The following TAF12 variants were observed in gnomAD, a reference collection of about 807,000 sequenced individuals.
The protein encoded by TAF12 is transcription initiation factor TFIID subunit 12.
TAF12 carries 3 observed loss-of-function variants against 20.8 expected under a neutral mutation model. The ratio of observed to expected loss-of-function variants is 0.14; its 90% CI spans 0.07 to 0.37. The LOEUF (loss-of-function observed/expected upper bound fraction) is 0.37. TAF12 is among the 10% of genes least tolerant of loss of function. TAF12 has a pLI of 1.00. For missense variants in TAF12, 131 were observed against 197.9 expected, an observed-to-expected ratio of 0.66 and a Z score of 2.03; for synonymous variants, 69 against 70.2, an observed-to-expected ratio of 0.98 and a Z score of 0.09.
At chr1:28,643,179 C>G (rs1668098947), upstream of TAF12, 3 of 907,814 alleles carry the variant, frequency 3.3e-6, no homozygotes, top group African/African-American at 3.6e-5. Context: ...AGACTGCCCT[C>G]CGACACGTGG....
intron 1 of TAF12, among the ~76,000 whole-genome samples, chr1:28,630,305 T>G (rs1667572589): frequency 6.6e-6 from 1 of 152,058 alleles, no homozygotes; most frequent in Non-Finnish European, 1.5e-5. Context: ...CGCCTGTAAT[T>G]TCAGCACTTT....
At chr1:28,611,444 T>C (rs758119735) in intron 4 of TAF12, among the ~76,000 whole-genome samples, 15 of 152,164 alleles carry the variant, frequency 9.9e-5, no homozygotes, top group East Asian at 1.9e-4. Context: ...TATTTGGAAA[T>C]AGGGATGTTG....
chr1:28,605,311 C>G (rs1364580193), intron 5 of TAF12, 61 bp downstream of exon 5: 5 of 1,569,104 alleles, frequency 3.2e-6, no homozygotes, highest in Non-Finnish European at 4.4e-6. Context: ...TGTGTATCCA[C>G]TCTGAGACGT....
intron 3 of TAF12, among the ~76,000 whole-genome samples, chr1:28,616,711 G>A (rs970790429): frequency 6.6e-6 from 1 of 151,934 alleles, no homozygotes; most frequent in Admixed American, 6.6e-5. Flanking sequence ...ACTCCAGCCT[G>A]GGCAACAGAG....
intron 4 of TAF12, among the ~76,000 whole-genome samples, chr1:28,610,698 A>T (rs906740303): frequency 1.3e-5 from 2 of 151,994 alleles, no homozygotes; most frequent in Admixed American, 6.6e-5. Context: ...ATGGTGGCTC[A>T]CACCTGTAAT....
intron 2 of TAF12, among the ~76,000 whole-genome samples, chr1:28,621,524 G>C (rs1570313974): frequency 6.6e-6 from 1 of 152,028 alleles, no homozygotes; most frequent in Non-Finnish European, 1.5e-5. Flanking sequence ...TTATCAAAAT[G>C]AAAGGAAAAA....
chr1:28,635,249 T>TA (rs1362928748), intron 1 of TAF12, among the ~76,000 whole-genome samples: 157 of 123,118 alleles, frequency 1.3e-3, no homozygotes, highest in African/African-American at 4.0e-3. Context: ...AATAAATAAA[T>TA]AAAAAAAACC....
rs553213321 is a variant in TAF12, at chr1:28,629,832, G to A, written c.-84-7667C>T. Among the ~76,000 whole-genome samples, 9 of 152,250 alleles carry A rather than the reference G, an allele frequency of 5.9e-5. No homozygotes were observed. In the South Asian group the frequency reaches 1.7e-3, roughly 28 times the overall value. ...TTTCTATTTTTTTTTAAAACACGGT[G>A]TCTTGCTATGTTGCCCAGGATGGCC... On this transcript the variant is annotated intron_variant, in intron 1 of 5. Transcript: ENST00000373824.
chr1:28,642,937 G>A (rs1354655159), intron 1 of TAF12, 55 bp downstream of exon 1: 2 of 986,338 alleles, frequency 2.0e-6, no homozygotes, highest in East Asian at 1.1e-4. Flanking sequence ...GTAGGTCTGG[G>A]TCCTGACTCC....
chr1:28,608,812 G>A (rs942808713), intron 4 of TAF12, among the ~76,000 whole-genome samples: 1 of 151,646 alleles, frequency 6.6e-6, no homozygotes, highest in Non-Finnish European at 1.5e-5. Context: ...GTGGGAGGGC[G>A]CCTACGTAAT....
chr1:28,632,026 G>T (rs1667646350), intron 1 of TAF12, among the ~76,000 whole-genome samples: 1 of 152,100 alleles, frequency 6.6e-6, no homozygotes. Context: ...ACAAAAATCT[G>T]TTCATAAATA....
chr1:28,607,879 G>C (rs575472906), intron 4 of TAF12, among the ~76,000 whole-genome samples: 2 of 151,944 alleles, frequency 1.3e-5, no homozygotes, highest in East Asian at 3.9e-4. Context: ...ATTCACACCT[G>C]TAATCCCACC....
rs192263445 is a variant in TAF12 at position 28,639,289 on chromosome 1, G to A, written c.-85+3703C>T. On this transcript the variant is annotated intron_variant, in intron 1 of 5. Coordinates refer to ENST00000373824, the MANE Select transcript of TAF12 (RefSeq NM_005644.4). ...AAATTAGCCAGGCATGGTGGCGCAT[G>A]CCTGTAATCCCAGCTACATGGGAGG... Among the ~76,000 whole-genome samples the A allele has an allele frequency of 2.7e-3, 416 of 151,830 alleles. 1 individual carries two copies. The highest frequency in any genetic ancestry group is 9.8e-3 in the African/African-American group (404 of 41,384).
chr1:28,603,519 T>C lies in TAF12; in HGVS notation c.*20A>G, dbSNP rs1666571085. 6.2e-6 allele frequency: 10 copies of C among 1,613,732 alleles called. No individual in the cohort carries two copies. Among genetic ancestry groups the C allele is most frequent in the Admixed American group, 1.7e-5 (1 of 60,022 alleles). ...GTATCTCCAAATACATTGCTGTCCA[T>C]TCCCTGACCTTTCCGTGTGTTATTT... On this transcript the variant is annotated 3_prime_UTR_variant, in exon 6 of 6. Coordinates refer to ENST00000373824, the MANE Select transcript of TAF12 (RefSeq NM_005644.4).
At chr1:28,626,921 A>AT (rs957053525) in intron 1 of TAF12, among the ~76,000 whole-genome samples, 6 of 151,210 alleles carry the variant, frequency 4.0e-5, no homozygotes, top group Non-Finnish European at 7.4e-5. Context: ...CAAAAAAAAA[A>AT]TTTTTTTTTT....
At position 28,623,377 on chromosome 1, in the gene TAF12, C is replaced by T. The variant is rs921317958; in HGVS notation, c.-84-1212G>A. Among the ~76,000 whole-genome samples the T allele has an allele frequency of 1.6e-4, 24 of 152,000 alleles. 1 individual carries two copies. The highest frequency in any genetic ancestry group is 3.6e-4 in the African/African-American group (15 of 41,478). ...ACTCTACTAAAAACACAAAATTAGC[C>T]GGGCGTGGTGACACACGCCTGTAAT... On this transcript the variant is annotated intron_variant, in intron 1 of 5. Transcript: ENST00000373824.
intron 1 of TAF12, among the ~76,000 whole-genome samples, chr1:28,626,012 A>C (rs1460850746): frequency 6.7e-6 from 1 of 149,568 alleles, no homozygotes; most frequent in Non-Finnish European, 1.5e-5. Flanking sequence ...ACGGAGTCTC[A>C]CTGTGTCCCC....
chr1:28,631,771 G>GA (rs1184110101), intron 1 of TAF12, among the ~76,000 whole-genome samples: 1 of 152,044 alleles, frequency 6.6e-6, no homozygotes, highest in Non-Finnish European at 1.5e-5. Flanking sequence ...TTGTCACCAG[G>GA]AAAATGCAAA....
intron 1 of TAF12, among the ~76,000 whole-genome samples, chr1:28,636,586 T>C (rs1355974885): frequency 6.6e-6 from 1 of 151,764 alleles, no homozygotes; most frequent in African/African-American, 2.4e-5. Flanking sequence ...ACCTAGGAGT[T>C]TGAGACCAGC....
Sources: allele counts gnomAD v4.1 joint callset (sites outside exome capture counted in the v4.1 genomes callset), GRCh38; gene constraint gnomAD v4.1.1; transcripts MANE v1.5; gene names NCBI Gene and HGNC (gene_info 2026-07-23, HGNC 2026-07-21).